Variants in RBMS3 observed in about 807,000 individuals in gnomAD.
RBMS3 encodes the protein RNA-binding motif, single-stranded-interacting protein 3.
Under a neutral mutation model 66.8 loss-of-function variants are expected in RBMS3, and 27 were observed. The observed-to-expected ratio is 0.40, with a 90% CI of 0.30 to 0.56. The LOEUF (loss-of-function observed/expected upper bound fraction) is 0.56. Ranked by LOEUF, RBMS3 falls within the 20% of genes least tolerant of loss-of-function variation. RBMS3 has a pLI of 0.40. For missense variants in RBMS3, 513 were observed against 549.5 expected, an observed-to-expected ratio of 0.93 and a Z score of 0.66; for synonymous variants, 188 against 183.0, an observed-to-expected ratio of 1.03 and a Z score of -0.22.
chr3:29,491,405 A>G (rs1357354924), intron 3 of RBMS3, among the ~76,000 whole-genome samples: 2 of 152,234 alleles, frequency 1.3e-5, no homozygotes, highest in African/African-American at 2.4e-5. Flanking sequence ...AGAGGCTAAA[A>G]GAAAATATTA....
At chr3:29,515,797 A>G (rs991868460) in intron 3 of RBMS3, among the ~76,000 whole-genome samples, 6 of 152,222 alleles carry the variant, frequency 3.9e-5, no homozygotes, top group Admixed American at 2.0e-4. Context: ...AAGACCAGGA[A>G]GGCTAAAGGG....
Position 29,670,464 on chromosome 3 carries a change from C to G in RBMS3, c.400-69256C>G, listed in dbSNP as rs538864067. On this transcript the variant is annotated intron_variant, in intron 4 of 14. Coordinates refer to ENST00000383767, the MANE Select transcript of RBMS3 (RefSeq NM_001003793.3). ...AAGCAGGGCAGGGCATCGCCTCACTCGGGAATCACAAGGGGTCAGGGAATT... is the reference window on the plus strand; with the variant it reads ...AAGCAGGGCAGGGCATCGCCTCACTGGGGAATCACAAGGGGTCAGGGAATT... Among the ~76,000 whole-genome samples, 5 of 152,202 alleles carry G rather than the reference C, an allele frequency of 3.3e-5. No individual in the cohort carries two copies. The East Asian group carries it at 9.7e-4, about 30-fold the overall frequency.
At chr3:29,810,908 G>A (rs4626052) in intron 6 of RBMS3, among the ~76,000 whole-genome samples, 69,548 of 151,848 alleles carry the variant, frequency 0.46, 16,822 homozygotes, top group African/African-American at 0.57. Flanking sequence ...GTCTCTCCTA[G>A]TAGAGAAGCC....
At chr3:29,726,602 A>G (rs1386547515) in intron 4 of RBMS3, among the ~76,000 whole-genome samples, 1 of 152,112 alleles carries the variant, frequency 6.6e-6, no homozygotes, top group Non-Finnish European at 1.5e-5. Context: ...GAACTCCCAT[A>G]CACAATTGCA....
chr3:29,835,362 C>T (rs2058477397), intron 6 of RBMS3, among the ~76,000 whole-genome samples: 1 of 151,872 alleles, frequency 6.6e-6, no homozygotes, highest in South Asian at 2.1e-4. Context: ...AAAGCATTCT[C>T]CTGAATAGAT....
intron 1 of RBMS3, among the ~76,000 whole-genome samples, chr3:29,351,882 T>C (rs764612729): frequency 2.0e-5 from 3 of 152,086 alleles, no homozygotes; most frequent in Non-Finnish European, 4.4e-5. Context: ...GGAATACACA[T>C]GTACGTGCTC....
At chr3:29,672,129 AT>A (rs1226225900) in intron 4 of RBMS3, among the ~76,000 whole-genome samples, 1 of 152,210 alleles carries the variant, frequency 6.6e-6, no homozygotes, top group Admixed American at 6.5e-5. Flanking sequence ...GGGGGCCGAT[AT>A]TCAACATTCT....
intron 8 of RBMS3, among the ~76,000 whole-genome samples, chr3:29,892,231 C>T (rs1038501376): frequency 6.6e-6 from 1 of 151,486 alleles, no homozygotes; most frequent in Non-Finnish European, 1.5e-5. Context: ...CAAAGGCTAG[C>T]TTAGACTTCC....
chr3:29,796,951 A>T (rs2057217816), intron 6 of RBMS3, among the ~76,000 whole-genome samples: 1 of 151,972 alleles, frequency 6.6e-6, no homozygotes, highest in Admixed American at 6.6e-5. Flanking sequence ...TGACCTCATG[A>T]TCTGCCCGCC....
intron 1 of RBMS3, among the ~76,000 whole-genome samples, chr3:29,282,236 G>A (rs923347598): frequency 6.6e-6 from 1 of 152,052 alleles, no homozygotes; most frequent in African/African-American, 2.4e-5. Context: ...TGAAAGAAGG[G>A]TGTGAGAAGG....
At chr3:29,761,272 T>TA (rs2055674653) in intron 5 of RBMS3, among the ~76,000 whole-genome samples, 1 of 152,104 alleles carries the variant, frequency 6.6e-6, no homozygotes, top group Non-Finnish European at 1.5e-5. Flanking sequence ...ACATGCTTCA[T>TA]AAGAATGTAC....
intron 2 of RBMS3, among the ~76,000 whole-genome samples, chr3:29,451,931 A>C (rs2042029305): frequency 6.6e-6 from 1 of 152,212 alleles, no homozygotes; most frequent in Non-Finnish European, 1.5e-5. Context: ...ACAATTTGCT[A>C]ATCCCCTTTG....
At chr3:29,383,118 T>C (rs1358427782) in intron 1 of RBMS3, among the ~76,000 whole-genome samples, 3 of 152,234 alleles carry the variant, frequency 2.0e-5, no homozygotes, top group Non-Finnish European at 4.4e-5. Context: ...TCATAGATGA[T>C]GTATTCTGTT....
Position 29,685,876 on chromosome 3 carries a change from T to G in RBMS3, c.400-53844T>G, listed in dbSNP as rs145023756. On this transcript the variant is annotated intron_variant, in intron 4 of 14. Coordinates refer to ENST00000383767, the MANE Select transcript of RBMS3 (RefSeq NM_001003793.3). ...CTCCCCACACCTTCTGCACCACTGC[T>G]GCCACCACCATCACTGTGCCTGGCA... Among the ~76,000 whole-genome samples, 607 of 152,332 alleles carry G rather than the reference T, an allele frequency of 4.0e-3. 13 individuals are homozygous for G. Among genetic ancestry groups the G allele is most frequent in the Admixed American group, 0.033 (503 of 15,304 alleles).
At chr3:29,753,907 A>G (rs1373323511) in intron 5 of RBMS3, among the ~76,000 whole-genome samples, 1 of 152,120 alleles carries the variant, frequency 6.6e-6, no homozygotes, top group African/African-American at 2.4e-5. Context: ...CTTTTCAGAG[A>G]GAAACTATTT....
intron 8 of RBMS3, among the ~76,000 whole-genome samples, chr3:29,886,420 T>G (rs1378777366): frequency 6.6e-6 from 1 of 151,864 alleles, no homozygotes; most frequent in African/African-American, 2.4e-5. Flanking sequence ...GCCTGCTGTC[T>G]TTGTCCAGCT....
chr3:29,292,300 T>C (rs1559464827), intron 1 of RBMS3, among the ~76,000 whole-genome samples: 1 of 151,764 alleles, frequency 6.6e-6, no homozygotes, highest in Non-Finnish European at 1.5e-5. Flanking sequence ...CAGAGAAATA[T>C]GGAGGTGCAA....
At chr3:29,929,137 A>T (rs2061036258) in intron 10 of RBMS3, among the ~76,000 whole-genome samples, 1 of 152,232 alleles carries the variant, frequency 6.6e-6, no homozygotes, top group African/African-American at 2.4e-5. Context: ...AAGTTTAATG[A>T]CAAAATAATT....
intron 5 of RBMS3, 124 bp downstream of exon 5, chr3:29,740,001 C>T (rs2054566557): frequency 4.1e-6 from 3 of 739,744 alleles, no homozygotes; most frequent in Non-Finnish European, 6.0e-6. Flanking sequence ...TTAAAAGTAG[C>T]TTATCAAATC....
Sources: allele counts gnomAD v4.1 joint callset (sites outside exome capture counted in the v4.1 genomes callset), GRCh38; gene constraint gnomAD v4.1.1; transcripts MANE v1.5; gene names NCBI Gene and HGNC (gene_info 2026-07-23, HGNC 2026-07-21).